Variants in LHFPL3 observed in about 807,000 individuals in gnomAD.
LHFPL3 encodes the protein LHFPL tetraspan subfamily member 3, also known as LHFPL tetraspan subfamily member 3 protein.
A neutral mutation model predicts 19.3 loss-of-function variants in LHFPL3; 5 were observed. The ratio of observed to expected loss-of-function variants is 0.26; its 90% CI spans 0.14 to 0.54. The LOEUF (loss-of-function observed/expected upper bound fraction) is 0.54, where lower values mean the gene tolerates loss of function less well. Among genes scored for constraint, LHFPL3 ranks in the 20% least tolerant of loss-of-function variants. The probability of loss-of-function intolerance (pLI) is 0.94; values close to 1 mark genes in which losing one functional copy is unlikely to be tolerated. For missense variants in LHFPL3, 249 were observed against 307.4 expected (o/e 0.81, Z 1.42); for synonymous variants, 133 against 126.2 (o/e 1.05, Z -0.36).
In LHFPL3 at chr7:104,773,896, C is replaced by G. The variant is rs905846607; in HGVS notation, c.682+36985C>G. On this transcript the variant is annotated intron_variant, in intron 2 of 2. Coordinates refer to ENST00000424859, the MANE Select transcript of LHFPL3 (RefSeq NM_199000.3). ...CACCGTGATCCTTGACTTCTAGCAT[C>G]CAGAACTGTGAGACAATACATGCCT... Among the ~76,000 whole-genome samples, 8 of 152,334 alleles carry G rather than the reference C, an allele frequency of 5.3e-5. No homozygotes were observed. In the East Asian group the frequency reaches 1.5e-3, roughly 29 times the overall value.
At chr7:104,402,030 G>A (rs1791323286) in intron 1 of LHFPL3, among the ~76,000 whole-genome samples, 1 of 150,654 alleles carries the variant, frequency 6.6e-6, no homozygotes, top group African/African-American at 2.4e-5. Flanking sequence ...CACTGAGACA[G>A]AAGAGGAATT....
chr7:104,587,028 C>G (rs1458540641), intron 1 of LHFPL3, among the ~76,000 whole-genome samples: 1 of 152,104 alleles, frequency 6.6e-6, no homozygotes, highest in Admixed American at 6.6e-5. Context: ...AAATTGCTCC[C>G]ATTGTGATGC....
rs1792364197 is a variant in LHFPL3 at position 104,448,016 on chromosome 7, G to C, written c.445+118792G>C. 3.3e-5 allele frequency among the ~76,000 whole-genome samples: 5 copies of C among 151,926 alleles called. No individual in the cohort carries two copies. The South Asian group carries it at 1.0e-3, about 32-fold the overall frequency. On this transcript the variant is annotated intron_variant, in intron 1 of 2. Transcript: ENST00000424859. ...CTCCTATGTAAGAAATTCATCTTCT[G>C]CTGTATATACTGAGATACGGTTTAC...
intron 2 of LHFPL3, among the ~76,000 whole-genome samples, chr7:104,828,952 T>C (rs900393327): frequency 1.2e-4 from 18 of 151,734 alleles, no homozygotes; most frequent in African/African-American, 3.9e-4. Context: ...GGAGAATCAC[T>C]TGGGCCCAGG....
At chr7:104,568,655 G>T (rs1790167899) in intron 1 of LHFPL3, among the ~76,000 whole-genome samples, 1 of 152,138 alleles carries the variant, frequency 6.6e-6, no homozygotes, top group Non-Finnish European at 1.5e-5. Context: ...ACTCCTGATT[G>T]CAGCCTATAT....
intron 2 of LHFPL3, among the ~76,000 whole-genome samples, chr7:104,885,035 C>T (rs1792123259): frequency 6.6e-6 from 1 of 152,196 alleles, no homozygotes; most frequent in Non-Finnish European, 1.5e-5. Flanking sequence ...TCCCCATCCT[C>T]ATAGCACTCA....
chr7:104,540,053 G>T (rs958857335), intron 1 of LHFPL3, among the ~76,000 whole-genome samples: 1 of 152,106 alleles, frequency 6.6e-6, no homozygotes, highest in Non-Finnish European at 1.5e-5. Context: ...GAAACTTATT[G>T]CAATGTTTAC....
At chr7:104,814,586 T>TGG (rs1790529716) in intron 2 of LHFPL3, among the ~76,000 whole-genome samples, 1 of 152,124 alleles carries the variant, frequency 6.6e-6, no homozygotes, top group Non-Finnish European at 1.5e-5. Context: ...GGGGCCTCAC[T>TGG]GGGGACCTGC....
At chr7:104,827,952 C>A (rs1790858116) in intron 2 of LHFPL3, among the ~76,000 whole-genome samples, 1 of 151,898 alleles carries the variant, frequency 6.6e-6, no homozygotes, top group Non-Finnish European at 1.5e-5. Context: ...GTCCTGTGCT[C>A]CTCAGGTTCA....
chr7:104,543,603 T>C (rs1402257425), intron 1 of LHFPL3, among the ~76,000 whole-genome samples: 2 of 151,902 alleles, frequency 1.3e-5, no homozygotes, highest in Non-Finnish European at 2.9e-5. Flanking sequence ...GAAGAGTTCA[T>C]GTCCTTTGTA....
At chr7:104,649,795 C>A (rs1002047075) in intron 1 of LHFPL3, among the ~76,000 whole-genome samples, 2 of 152,144 alleles carry the variant, frequency 1.3e-5, no homozygotes, top group African/African-American at 4.8e-5. Context: ...GGAACATGGG[C>A]TGTTCTGGAG....
chr7:104,703,977 C>T (rs1793144230), intron 1 of LHFPL3, among the ~76,000 whole-genome samples: 1 of 152,146 alleles, frequency 6.6e-6, no homozygotes, highest in Non-Finnish European at 1.5e-5. Context: ...TGTCTTCCTA[C>T]CAAGATATTT....
At chr7:104,857,599 C>T (rs1317427368) in intron 2 of LHFPL3, among the ~76,000 whole-genome samples, 1 of 152,164 alleles carries the variant, frequency 6.6e-6, no homozygotes, top group Non-Finnish European at 1.5e-5. Context: ...AAATTAATTT[C>T]CAACCTTGTT....
chr7:104,601,850 G>A (rs1790975186), intron 1 of LHFPL3, among the ~76,000 whole-genome samples: 1 of 152,026 alleles, frequency 6.6e-6, no homozygotes, highest in East Asian at 1.9e-4. Context: ...CCTATGCTTT[G>A]TTCCATGGTT....
At chr7:104,869,730 G>C (rs1373717308) in intron 2 of LHFPL3, among the ~76,000 whole-genome samples, 7 of 152,248 alleles carry the variant, frequency 4.6e-5, no homozygotes, top group South Asian at 2.1e-4. Flanking sequence ...ACCCAGCCAT[G>C]CCATTACTGG....
intron 1 of LHFPL3, among the ~76,000 whole-genome samples, chr7:104,435,817 G>C (rs1334297757): frequency 6.6e-6 from 1 of 151,654 alleles, no homozygotes; most frequent in Non-Finnish European, 1.5e-5. Flanking sequence ...GCTATTTATA[G>C]ACTGGCCCTT....
intron 1 of LHFPL3, among the ~76,000 whole-genome samples, chr7:104,463,137 TATTA>T (rs1201205601): frequency 2.6e-5 from 4 of 152,208 alleles, no homozygotes; most frequent in African/African-American, 9.7e-5. Flanking sequence ...CTTTCTTCTT[TATTA>T]GTCTAGCTAG....
At chr7:104,844,505 T>C (rs2116597892) in intron 2 of LHFPL3, among the ~76,000 whole-genome samples, 1 of 152,356 alleles carries the variant, frequency 6.6e-6, no homozygotes, top group African/African-American at 2.4e-5. Flanking sequence ...TTGGAACTAT[T>C]GCTCTATCCA....
chr7:104,564,019 C>A (rs145715004), intron 1 of LHFPL3, among the ~76,000 whole-genome samples: 1 of 152,230 alleles, frequency 6.6e-6, no homozygotes, highest in African/African-American at 2.4e-5. Context: ...CATTATGTGC[C>A]AGGCATTATG....
Sources: allele counts gnomAD v4.1 joint callset (sites outside exome capture counted in the v4.1 genomes callset), GRCh38; gene constraint gnomAD v4.1.1; transcripts MANE v1.5; gene names NCBI Gene and HGNC (gene_info 2026-07-23, HGNC 2026-07-21).